NRXN3: variants seen among roughly 807,000 people sequenced by gnomAD.
NRXN3 encodes neurexin III.
Under a neutral mutation model 137.6 loss-of-function variants are expected in NRXN3, and 32 were observed. The observed-to-expected ratio is 0.23, with a 90% CI of 0.18 to 0.31. The LOEUF (loss-of-function observed/expected upper bound fraction) is 0.31, where lower values mean the gene tolerates loss of function less well. NRXN3 is among the 10% of genes least tolerant of loss of function. The probability of loss-of-function intolerance (pLI) is 1.00; values close to 1 mark genes in which losing one functional copy is unlikely to be tolerated. For synonymous variants in NRXN3, 798 were observed against 784.5 expected (o/e 1.02, Z -0.29); for missense variants, 1,574 against 2,062.5 (o/e 0.76, Z 4.59).
intron 4 of NRXN3, among the ~76,000 whole-genome samples, chr14:78,374,494 C>T (rs1247746646): frequency 6.6e-6 from 1 of 152,034 alleles, no homozygotes; most frequent in African/African-American, 2.4e-5. Flanking sequence ...GTGGTGAATA[C>T]GTTACAGGTG....
intron 4 of NRXN3, among the ~76,000 whole-genome samples, chr14:78,417,809 T>C (rs2093226756): frequency 6.6e-6 from 1 of 152,116 alleles, no homozygotes; most frequent in Admixed American, 6.6e-5. Flanking sequence ...CAGGCTGGAG[T>C]GCAATGGCAC....
Position 78,708,278 on chromosome 14 carries a change from C to G in NRXN3, c.1222-939C>G, listed in dbSNP as rs550102143. 9.8e-5 allele frequency among the ~76,000 whole-genome samples: 15 copies of G among 152,298 alleles called. No homozygotes were observed. The East Asian group carries it at 2.7e-3, about 27-fold the overall frequency. On this transcript the variant is annotated intron_variant, in intron 6 of 20. Coordinates refer to ENST00000335750, the MANE Select transcript of NRXN3 (RefSeq NM_001330195.2). ...GGGTAGGGCATGGAGGCAGAAAGCTCTGCTGGACCCCCTTGCAAGGTGAAT... is the reference window on the plus strand; with the variant it reads ...GGGTAGGGCATGGAGGCAGAAAGCTGTGCTGGACCCCCTTGCAAGGTGAAT...
intron 19 of NRXN3, among the ~76,000 whole-genome samples, chr14:79,800,785 A>C (rs1033575757): frequency 3.9e-5 from 6 of 152,222 alleles, no homozygotes; most frequent in Non-Finnish European, 7.3e-5. Flanking sequence ...ACAACAACAA[A>C]AAACTGCTAA....
intron 8 of NRXN3, among the ~76,000 whole-genome samples, chr14:78,778,613 G>A (rs1030708953): frequency 2.3e-4 from 35 of 151,874 alleles, no homozygotes; most frequent in African/African-American, 7.5e-4. Context: ...ATATGAATAC[G>A]TTCTGAAACT....
chr14:78,884,309 G>A (rs1018011824), intron 10 of NRXN3, among the ~76,000 whole-genome samples: 1 of 151,762 alleles, frequency 6.6e-6, no homozygotes, highest in Non-Finnish European at 1.5e-5. Flanking sequence ...TTTAATCCTG[G>A]GATATGGAAG....
chr14:78,726,271 A>G (rs1431418269), intron 8 of NRXN3, among the ~76,000 whole-genome samples: 1 of 152,060 alleles, frequency 6.6e-6, no homozygotes, highest in Non-Finnish European at 1.5e-5. Context: ...TACATGTGCC[A>G]TGGTGGTTTG....
At chr14:79,619,358 A>G (rs2098196658) in intron 16 of NRXN3, among the ~76,000 whole-genome samples, 6 of 152,036 alleles carry the variant, frequency 3.9e-5, no homozygotes, top group Admixed American at 3.9e-4. Flanking sequence ...TAAGTTTTCA[A>G]TCTATCTTAA....
At chr14:78,747,107 C>T (rs1567205075) in intron 8 of NRXN3, among the ~76,000 whole-genome samples, 1 of 147,504 alleles carries the variant, frequency 6.8e-6, no homozygotes, top group Admixed American at 6.7e-5. Context: ...GCCAAGACCT[C>T]AAAACTCATA....
intron 15 of NRXN3, among the ~76,000 whole-genome samples, chr14:79,211,168 T>C (rs2067605696): frequency 6.6e-6 from 1 of 152,200 alleles, no homozygotes; most frequent in South Asian, 2.1e-4. Context: ...TTATTGACTT[T>C]GGGCAAACTA....
intron 4 of NRXN3, among the ~76,000 whole-genome samples, chr14:78,312,896 T>G (rs1398273369): frequency 6.6e-6 from 1 of 152,238 alleles, no homozygotes; most frequent in Non-Finnish European, 1.5e-5. Context: ...GTGTGTTTTC[T>G]ACTATGTGCT....
chr14:78,265,121 T>G lies in NRXN3; in HGVS notation c.710-13524T>G, dbSNP rs117272335. ...AATACTAAAAATGTTTTATTGCATT[T>G]ATAAACACAAGCTTTTGGTGATAGG... On this transcript the variant is annotated intron_variant, in intron 2 of 20. Coordinates refer to ENST00000335750, the MANE Select transcript of NRXN3 (RefSeq NM_001330195.2). Among the ~76,000 whole-genome samples the G allele has an allele frequency of 4.7e-3, 718 of 152,372 alleles. 3 individuals carry two copies. Among genetic ancestry groups the G allele is most frequent in the Non-Finnish European group, 8.5e-3 (580 of 68,038 alleles).
chr14:78,319,759 G>A (rs1281862087), intron 4 of NRXN3, among the ~76,000 whole-genome samples: 2 of 152,144 alleles, frequency 1.3e-5, no homozygotes, highest in Non-Finnish European at 2.9e-5. Context: ...TGCAATGTTG[G>A]TCTTGCCATC....
intron 15 of NRXN3, among the ~76,000 whole-genome samples, chr14:79,204,516 C>G (rs562240590): frequency 6.6e-6 from 1 of 152,182 alleles, no homozygotes; most frequent in African/African-American, 2.4e-5. Context: ...CCAAAGAAAG[C>G]AGCATCAGAA....
At position 79,057,751 on chromosome 14, in the gene NRXN3, C is replaced by T. The variant is rs531412880; in HGVS notation, c.3262+69610C>T. On this transcript the variant is annotated intron_variant, in intron 15 of 20. Transcript: ENST00000335750. ...GGAGAGTTGGCAAGAATCCAGTTTG[C>T]ACTGCACTGGGCAGTGAACGGGAGG... is the stretch of plus-strand genomic sequence containing the variant. Among the ~76,000 whole-genome samples, 5 of 152,248 alleles carry T rather than the reference C, an allele frequency of 3.3e-5. No homozygotes were observed. In the East Asian group the frequency reaches 9.7e-4, roughly 29 times the overall value.
At chr14:79,490,073 T>G (rs1366523401) in intron 16 of NRXN3, among the ~76,000 whole-genome samples, 1 of 150,726 alleles carries the variant, frequency 6.6e-6, no homozygotes, top group Admixed American at 6.6e-5. Context: ...TGGTAATTTC[T>G]CTTTCATTAG....
intron 15 of NRXN3, among the ~76,000 whole-genome samples, chr14:79,237,780 A>T (rs80022452): frequency 0.027 from 4,128 of 152,252 alleles, 82 homozygotes; most frequent in Non-Finnish European, 0.042. Context: ...TGAATTAAGG[A>T]CACTAAGATT....
intron 17 of NRXN3, chr14:79,669,074 T>C (rs138177506): frequency 6.6e-6 from 1 of 152,176 alleles, no homozygotes; most frequent in African/African-American, 2.4e-5. Flanking sequence ...CTTTTCTTTA[T>C]GTCTTTTCCT....
At chr14:79,005,707 A>G (rs1230110267) in intron 15 of NRXN3, among the ~76,000 whole-genome samples, 1 of 152,060 alleles carries the variant, frequency 6.6e-6, no homozygotes, top group Non-Finnish European at 1.5e-5. Flanking sequence ...GTTCATCTAG[A>G]TATGTTCAAT....
intron 4 of NRXN3, among the ~76,000 whole-genome samples, chr14:78,467,038 CTCTT>C (rs2095128154): frequency 6.6e-6 from 1 of 152,184 alleles, no homozygotes; most frequent in Non-Finnish European, 1.5e-5. Context: ...TATAAGCTCT[CTCTT>C]TGAGTTGTTC....
Sources: allele counts gnomAD v4.1 joint callset (sites outside exome capture counted in the v4.1 genomes callset), GRCh38; gene constraint gnomAD v4.1.1; transcripts MANE v1.5; gene names NCBI Gene and HGNC (gene_info 2026-07-23, HGNC 2026-07-21).